Variants in COPS4 observed in about 807,000 individuals in gnomAD.
COPS4 encodes the protein COP9 signalosome subunit 4.
In COPS4, 8 loss-of-function variants were observed where a neutral mutation model predicts 55.1. The ratio of observed to expected loss-of-function variants is 0.15; its 90% CI spans 0.09 to 0.26. COPS4 has a LOEUF of 0.26. Among genes scored for constraint, COPS4 ranks in the 10% least tolerant of loss-of-function variants. The pLI is 1.00. For synonymous variants in COPS4, 185 were observed against 165.7 expected (o/e 1.12, Z -0.90); for missense variants, 248 against 484.0 (o/e 0.51, Z 4.58).
chr4:83,047,108 A>C (rs1730736891), intron 2 of COPS4, among the ~76,000 whole-genome samples: 1 of 152,248 alleles, frequency 6.6e-6, no homozygotes, highest in African/African-American at 2.4e-5. Flanking sequence ...TACTGCCTTA[A>C]AACTTAAAAG....
At chr4:83,049,126 C>T (rs1422590453) in intron 2 of COPS4, 40 bp from the exon 3 acceptor site, 1 of 1,551,672 alleles carries the variant, frequency 6.4e-7, no homozygotes, top group Admixed American at 2.1e-5. Flanking sequence ...GACAATTTAT[C>T]AGCTCATGTT....
At chr4:83,054,447 A>G (rs377765001) in intron 4 of COPS4, among the ~76,000 whole-genome samples, 4 of 152,346 alleles carry the variant, frequency 2.6e-5, no homozygotes, top group South Asian at 2.1e-4. Context: ...TAATATTTGC[A>G]ATAGTGAGGC....
intron 4 of COPS4, among the ~76,000 whole-genome samples, chr4:83,053,057 A>G (rs1187655234): frequency 6.6e-6 from 1 of 152,212 alleles, no homozygotes; most frequent in Non-Finnish European, 1.5e-5. Flanking sequence ...GACTTGTTGA[A>G]GATCATAATG....
At position 83,036,280 on chromosome 4, in the gene COPS4, G is replaced by A. The variant is rs557755421; in HGVS notation, c.74+982G>A. 9.5e-5 allele frequency among the ~76,000 whole-genome samples: 14 copies of A among 147,648 alleles called. No homozygotes were observed. The South Asian group carries it at 2.9e-3, about 30-fold the overall frequency. On this transcript the variant is annotated intron_variant, in intron 1 of 9. Transcript: ENST00000264389. The stretch of plus-strand genomic sequence containing the variant: ...GAGACCCCCCCCCCCGCCGCCACCC[G>A]TCTCCGTAAATAAATAAGTAAATAA...
At chr4:83,036,711 G>T (rs1730427704) in intron 1 of COPS4, among the ~76,000 whole-genome samples, 1 of 152,082 alleles carries the variant, frequency 6.6e-6, no homozygotes, top group Admixed American at 6.5e-5. Context: ...TTCACTTATT[G>T]TATGGGTTGG....
chr4:83,038,084 A>G (rs1054906619), intron 1 of COPS4, among the ~76,000 whole-genome samples: 2 of 152,210 alleles, frequency 1.3e-5, no homozygotes, highest in Non-Finnish European at 2.9e-5. Flanking sequence ...TATCTCACAT[A>G]AAGCTTTAGA....
At chr4:83,067,362 C>T (rs1731315958) in intron 8 of COPS4, among the ~76,000 whole-genome samples, 1 of 152,010 alleles carries the variant, frequency 6.6e-6, no homozygotes. Context: ...CTACCTCAGC[C>T]TACTGAGTAG....
At chr4:83,041,903 C>T (rs1730578163) in intron 1 of COPS4, among the ~76,000 whole-genome samples, 1 of 149,250 alleles carries the variant, frequency 6.7e-6, no homozygotes, top group African/African-American at 2.5e-5. Context: ...TTCGCTCTGT[C>T]ACCCAGGCTG....
At chr4:83,075,176 G>T in intron 9 of COPS4, 121 bp from the exon 10 acceptor site, 1 of 759,144 alleles carries the variant, frequency 1.3e-6, no homozygotes, top group Non-Finnish European at 2.1e-6. Context: ...TGTTTTTTAG[G>T]TATTTAAAAG....
chr4:83,050,121 A>T, intron 4 of COPS4, 137 bp downstream of exon 4: 2 of 548,786 alleles, frequency 3.6e-6, no homozygotes, highest in Non-Finnish European at 6.3e-6. Flanking sequence ...GAAGGTGATA[A>T]GTGCTGTGGA....
intron 9 of COPS4, among the ~76,000 whole-genome samples, chr4:83,068,949 G>A (rs1474778882): frequency 2.9e-5 from 4 of 138,936 alleles, no homozygotes; most frequent in African/African-American, 1.1e-4. Flanking sequence ...CAACCTGGGT[G>A]ACAAAGCGAG....
At position 83,057,171 on chromosome 4, in the gene COPS4, T is replaced by A. The variant is rs1405491445; in HGVS notation, c.565-87T>A. The A allele has an allele frequency of 8.0e-6, 12 of 1,503,064 alleles. No individual in the cohort carries two copies. The East Asian group carries it at 2.7e-4, about 34-fold the overall frequency. The allele number at this position is 1,503,064 out of a possible 1,614,324, so 93.1% of individuals were successfully genotyped here. On this transcript the variant is annotated intron_variant, in intron 5 of 9. Coordinates refer to ENST00000264389, the MANE Select transcript of COPS4 (RefSeq NM_016129.3). The stretch of plus-strand genomic sequence containing the variant: ...GACATCTGATAGATGCTCTTAAATA[T>A]TAGAAATTGTTTCTCTGTTTTGTTT...
At position 83,066,492 on chromosome 4, in the gene COPS4, A is replaced by T. The variant is rs1187146288; in HGVS notation, c.941A>T (p.Lys314Ile). The change falls in exon 8 of 10, where the codon AAA becomes ATA. Residue 314 changes from lysine (K) to isoleucine (I), a missense_variant. Physicochemically the swap from Lys to Ile is moderately radical, Grantham distance 102. Coordinates refer to ENST00000264389, the MANE Select transcript of COPS4 (RefSeq NM_016129.3). ...GAACACAATTTGTTGTCTGCAAGCA[A>T]ATTATATAATAATATTACCTTCGAA... ...VIEHNLLSAS[K>I]LYNNITFEEL... is the part of the protein sequence containing the mutation. The T allele has an allele frequency of 3.1e-6, 5 of 1,601,814 alleles. No individual in the cohort carries two copies. The highest frequency in any genetic ancestry group is 4.3e-6 in the Non-Finnish European group (5 of 1,174,418).
intron 9 of COPS4, among the ~76,000 whole-genome samples, chr4:83,074,451 T>C (rs1317516540): frequency 1.3e-5 from 2 of 149,122 alleles, no homozygotes; most frequent in Non-Finnish European, 3.0e-5. Flanking sequence ...TTAGCCAAGA[T>C]TTTTTAGAGG....
intron 2 of COPS4, among the ~76,000 whole-genome samples, chr4:83,047,306 A>G (rs1730740325): frequency 6.6e-6 from 1 of 152,146 alleles, no homozygotes; most frequent in African/African-American, 2.4e-5. Flanking sequence ...GATTACAGGT[A>G]TGAGTCATGG....
chr4:83,045,634 A>G lies in COPS4; in HGVS notation c.83A>G (p.Gln28Arg). The G allele has an allele frequency of 6.2e-7, 1 of 1,612,216 alleles. No homozygotes were observed. The highest frequency in any genetic ancestry group is 1.1e-5 in the South Asian group (1 of 91,032). The change falls in exon 2 of 10, where the codon CAG (glutamine) becomes CGG (arginine). Residue 28 changes from glutamine to arginine, a missense_variant. By Grantham distance (43) the Gln-to-Arg change is conservative. Transcript: ENST00000264389. The stretch of plus-strand genomic sequence containing the variant: ...ATTTGGTATTGTTGTAGGTATCGTC[A>G]GATCCTGGAAAAAGCCATTCAGTTA... ...SHKDLAGKYR[Q>R]ILEKAIQLSG...
intron 8 of COPS4, among the ~76,000 whole-genome samples, chr4:83,068,075 A>G (rs1251428055): frequency 6.6e-6 from 1 of 152,228 alleles, no homozygotes; most frequent in East Asian, 1.9e-4. Flanking sequence ...TTTCTGGGGT[A>G]GCAAATACTG....
intron 1 of COPS4, among the ~76,000 whole-genome samples, chr4:83,040,018 T>C (rs1730517927): frequency 6.6e-6 from 1 of 152,220 alleles, no homozygotes; most frequent in Admixed American, 6.5e-5. Context: ...CCACTGACTA[T>C]AACCTCTAGG....
At chr4:83,036,948 T>C (rs955521434) in intron 1 of COPS4, among the ~76,000 whole-genome samples, 2 of 152,208 alleles carry the variant, frequency 1.3e-5, no homozygotes, top group Non-Finnish European at 2.9e-5. Flanking sequence ...TAAACAATAG[T>C]ACTTAAAGCG....
Sources: allele counts gnomAD v4.1 joint callset (sites outside exome capture counted in the v4.1 genomes callset), GRCh38; gene constraint gnomAD v4.1.1; transcripts MANE v1.5; gene names NCBI Gene and HGNC (gene_info 2026-07-23, HGNC 2026-07-21).